COL5A3: variants seen among roughly 807,000 people sequenced by gnomAD.
COL5A3 encodes the protein collagen alpha-3(V) chain.
In COL5A3, 172 loss-of-function variants were observed where a neutral mutation model predicts 250.0. The ratio of observed to expected loss-of-function variants is 0.69; its 90% CI spans 0.61 to 0.78. The LOEUF is 0.78. Among genes scored for constraint, COL5A3 ranks in the 30% least tolerant of loss-of-function variants. The pLI is 0.00. For missense variants in COL5A3, 2,340 were observed against 2,334.4 expected (o/e 1.00, Z -0.05); for synonymous variants, 937 against 900.4 (o/e 1.04, Z -0.73).
At position 10,000,452 on chromosome 19, in the gene COL5A3, C is replaced by CTTTTTTTTTTTTTTTT. The variant is rs576119335; in HGVS notation, c.1110+1056_1110+1071dup. Among the ~76,000 whole-genome samples the CTTTTTTTTTTTTTTTT allele has an allele frequency of 6.4e-5, 4 of 62,762 alleles. 1 individual carries two copies. The highest frequency in any genetic ancestry group is 8.7e-5 in the Non-Finnish European group (3 of 34,596). The allele number at this position is 62,762 out of a possible 152,430, so 41.2% of individuals were successfully genotyped here. A position where few individuals can be genotyped will look rare whatever the true frequency, so the allele number is the denominator to read the frequency against. ...TGTGCCATTCAGCAGCCAGAGAGCT[C>CTTTTTTTTTTTTTTTT]TTTTTTTTTTTTTTTTTTTTTTTTT... On this transcript the variant is annotated intron_variant, in intron 8 of 66. Coordinates refer to ENST00000264828, the MANE Select transcript of COL5A3 (RefSeq NM_015719.4).
At chr19:9,999,002 TTTC>T (rs1239284704) in intron 8 of COL5A3, among the ~76,000 whole-genome samples, 1 of 143,886 alleles carries the variant, frequency 6.9e-6, no homozygotes, top group Non-Finnish European at 1.5e-5. Context: ...CCTTCCTTTC[TTTC>T]TTTTCTTTCT....
rs1424296285 is a variant in COL5A3 at position 9,968,412 on chromosome 19, C to T, written c.4287G>A (p.Gln1429=). The T allele has an allele frequency of 4.4e-6, 7 of 1,591,174 alleles. No individual in the cohort carries two copies. Among genetic ancestry groups the T allele is most frequent in the Non-Finnish European group, 5.1e-6 (6 of 1,174,418 alleles). The change falls in exon 59 of 67, where the codon CAG becomes CAA. Residue 1429 remains glutamine, a synonymous_variant. Coordinates refer to ENST00000264828, the MANE Select transcript of COL5A3 (RefSeq NM_015719.4). The surrounding 1 kb of genome is among the most constrained non-coding windows in gnomAD (Gnocchi z 4.1). ...EKGDQGLPGV[Q]GPPGPKGDPG... ...GGTCTCCCTTGGGACCAGGGGGTCC[C>T]TGCACGCCTGGCAACCCCTGATCTC...
Position 9,968,153 on chromosome 19 carries a change from C to T in COL5A3, c.4315-74G>A, listed in dbSNP as rs989193886. 7.0e-7 allele frequency: 1 copy of T among 1,420,976 alleles called. No homozygotes were observed. The allele number at this position is 1,420,976 out of a possible 1,614,324, so 88.0% of individuals were successfully genotyped here. A position where few individuals can be genotyped will look rare whatever the true frequency, so the allele number is the denominator to read the frequency against. ...CTGACACATCCCCCAGACAAGCCTT[C>T]AATCCTACCAAAGGAAGACCCCGAA... On this transcript the variant is annotated intron_variant, in intron 59 of 66. Transcript: ENST00000264828. This position sits in a 1 kb window ranked among gnomAD's most constrained non-coding sequence, Gnocchi z 4.1.
Position 9,974,159 on chromosome 19 carries a change from G to A in COL5A3, c.3504+12C>T. 2 of 1,613,206 alleles carry A rather than the reference G, an allele frequency of 1.2e-6. No individual in the cohort carries two copies. The highest frequency in any genetic ancestry group is 1.7e-6 in the Non-Finnish European group (2 of 1,179,510). On this transcript the variant is annotated intron_variant, in intron 47 of 66. Transcript: ENST00000264828. Reference sequence around the variant, plus strand: ...CATCCTCCCCCTCCCACCTTCCTCTGGGAGTGCATACCATGGACCCGACGT... The same window carrying A: ...CATCCTCCCCCTCCCACCTTCCTCTAGGAGTGCATACCATGGACCCGACGT...
chr19:9,966,583 C>A lies in COL5A3; in HGVS notation c.4622G>T (p.Gly1541Val). ...GCGGTGCAGCTCGTGGCACACGAGG[C>A]CCGGGCGCTCCGCAGTGCCGGGAGG... The part of the protein sequence containing the change: ...RRPPGTAERP[G>V]LVCHELHRNH... Residue 1541 changes from glycine to valine, a missense_variant, in exon 63 of 67, where the codon GGC becomes GTC. Transcript: ENST00000264828. 1.9e-6 allele frequency: 3 copies of A among 1,541,458 alleles called. No individual in the cohort carries two copies.
Position 10,004,049 on chromosome 19 carries a change from C to A in COL5A3, c.691G>T (p.Ala231Ser). The change falls in exon 5 of 67, where the codon GCC becomes TCC. Residue 231 changes from alanine (A) to serine (S), a missense_variant. Around this residue, in one of 3 missense-constraint regions of COL5A3, gnomAD observed 1,152 missense variants for 1,146.3 expected, o/e 1.00. Coordinates refer to ENST00000264828, the MANE Select transcript of COL5A3 (RefSeq NM_015719.4). Reference protein sequence around the residue: ...LPDCDNLAPAATVAPQGEPET... With the variant: ...LPDCDNLAPASTVAPQGEPET... Reference sequence around the variant, plus strand: ...TGGAGTCCCTCACTCACCACTGTGGCTGCCGGTGCCAGGTTGTCACAGTCG... The same window carrying A: ...TGGAGTCCCTCACTCACCACTGTGGATGCCGGTGCCAGGTTGTCACAGTCG... The A allele has an allele frequency of 6.2e-7, 1 of 1,613,444 alleles. No homozygotes were observed. The highest frequency in any genetic ancestry group is 2.2e-5 in the East Asian group (1 of 44,882).
intron 31 of COL5A3, among the ~76,000 whole-genome samples, chr19:9,984,942 A>ATTTTTTTTTTTTTTTTTTTTTTTTT (rs71188874): frequency 1.2e-5 from 1 of 83,006 alleles, no homozygotes; most frequent in Non-Finnish European, 2.3e-5. Flanking sequence ...CATCTGGCTA[A>ATTTTTTTTTTTTTTTTTTTTTTTTT]TTTTTTTTTT....
chr19:9,974,124 A>C, intron 47 of COL5A3, 47 bp downstream of exon 47: 1 of 1,595,648 alleles, frequency 6.3e-7, no homozygotes, highest in East Asian at 2.2e-5. Flanking sequence ...CCGCCAACCT[A>C]TAACCCCACC....
chr19:9,987,158 TG>T (rs1480112335), intron 27 of COL5A3, among the ~76,000 whole-genome samples: 1 of 152,182 alleles, frequency 6.6e-6, no homozygotes. Flanking sequence ...TGCTTGGCTA[TG>T]GAGAGAGCGC....
intron 54 of COL5A3, among the ~76,000 whole-genome samples, chr19:9,970,148 G>A (rs1263121354): frequency 1.1e-5 from 1 of 94,832 alleles, no homozygotes; most frequent in Non-Finnish European, 2.2e-5. Flanking sequence ...GGCTGTGGGT[G>A]AGTGGGGTCT....
In COL5A3 at chr19:9,998,162, CA is replaced by C. The variant is rs778150175; in HGVS notation, c.1111-14del. The C allele has an allele frequency of 1.4e-5, 22 of 1,608,950 alleles. No homozygotes were observed. The South Asian group carries it at 2.4e-4, about 18-fold the overall frequency. ...TCTCTCCAGCACCCTGGGGTGGGGTCAGGGGAGATGGAGAGAAAAGAGATGT... is the reference window on the plus strand; with the variant it reads ...TCTCTCCAGCACCCTGGGGTGGGGTCGGGGAGATGGAGAGAAAAGAGATGT... On this transcript the variant is annotated splice_polypyrimidine_tract_variant and intron_variant, in intron 8 of 66. Coordinates refer to ENST00000264828, the MANE Select transcript of COL5A3 (RefSeq NM_015719.4).
At chr19:9,962,926 T>C (rs1309795329) in intron 64 of COL5A3, 39 bp from the exon 65 acceptor site, 7 of 1,486,356 alleles carry the variant, frequency 4.7e-6, no homozygotes, top group Non-Finnish European at 5.6e-6. Flanking sequence ...GCTGACGCCC[T>C]TGGTGCCATC....
chr19:9,983,766 AAGGAAGGAAGAAAGG>A (rs1039605527), intron 31 of COL5A3, among the ~76,000 whole-genome samples: 9 of 150,986 alleles, frequency 6.0e-5, no homozygotes, highest in Non-Finnish European at 1.2e-4. Flanking sequence ...GGAAGAAAGG[AAGGAAGGAAGAAAGG>A]AGGAAGGAAG....
intron 27 of COL5A3, among the ~76,000 whole-genome samples, chr19:9,988,833 C>CAA (rs67181648): frequency 0.027 from 1,063 of 39,234 alleles, 65 homozygotes; most frequent in African/African-American, 0.097. Flanking sequence ...GACTCTGTCT[C>CAA]AAAAAAAAAA....
chr19:9,960,403 G>C lies in COL5A3; in HGVS notation c.*8C>G. ...GCTCCCTCATGGTCCCTCCCACCCC[G>C]GACACTCTCAGCTGCTGAAGCAGAC... On this transcript the variant is annotated 3_prime_UTR_variant, in exon 67 of 67. Transcript: ENST00000264828. The C allele has an allele frequency of 6.2e-7, 1 of 1,614,006 alleles. No homozygotes were observed. The highest frequency in any genetic ancestry group is 8.5e-7 in the Non-Finnish European group (1 of 1,179,990).
intron 1 of COL5A3, 141 bp downstream of exon 1, chr19:10,010,157 C>G (rs2087508387): frequency 3.4e-6 from 1 of 292,206 alleles, no homozygotes; most frequent in Admixed American, 5.7e-5. Flanking sequence ...GTCAGATACT[C>G]ATGCGCCCAC....
intron 31 of COL5A3, among the ~76,000 whole-genome samples, chr19:9,983,286 G>A (rs117170147): frequency 6.6e-6 from 1 of 151,994 alleles, no homozygotes; most frequent in East Asian, 2.0e-4. Context: ...AGAATCACTT[G>A]AAGCTGGGAG....
intron 6 of COL5A3, among the ~76,000 whole-genome samples, chr19:10,003,211 A>G (rs2087389464): frequency 1.3e-5 from 2 of 152,304 alleles, no homozygotes; most frequent in South Asian, 2.1e-4. Context: ...AACCCAGCCA[A>G]TGATCCCCCC....
chr19:9,996,864 A>C (rs925290369), intron 11 of COL5A3, 175 bp from the exon 12 acceptor site: 2 of 590,144 alleles, frequency 3.4e-6, no homozygotes, highest in Non-Finnish European at 5.9e-6. Flanking sequence ...AGAGAAGTGG[A>C]AAGGAAAAGA....
Sources: gnomAD v4.1 joint callset for allele counts (sites outside exome capture counted in the v4.1 genomes callset) on GRCh38, gnomAD v4.1.1 for gene constraint, gnomAD v4.1.1 regional missense constraint, Gnocchi (gnomAD v3.1) non-coding constraint, MANE v1.5 for transcripts, NCBI Gene and HGNC (gene_info 2026-07-23, HGNC 2026-07-21) for gene names.